The following MRC1 variants were observed in gnomAD, a reference collection of about 807,000 sequenced individuals.
MRC1 encodes mannose receptor C-type 1, also known as macrophage mannose receptor 1.
MRC1 carries 62 observed loss-of-function variants against 102.9 expected under a neutral mutation model. The observed-to-expected ratio is 0.60, with a 90% CI of 0.49 to 0.74. MRC1 has a LOEUF of 0.74. Ranked by LOEUF, MRC1 falls within the 30% of genes least tolerant of loss-of-function variation. The pLI is 0.00. For missense variants in MRC1, 1,237 were observed against 862.8 expected (o/e 1.43, Z -5.43); for synonymous variants, 457 against 298.4 (o/e 1.53, Z -5.48).
At chr10:17,875,939 C>CT (rs1428059064) in intron 17 of MRC1, among the ~76,000 whole-genome samples, 1 of 152,158 alleles carries the variant, frequency 6.6e-6, no homozygotes, top group African/African-American at 2.4e-5. Context: ...TATATTTTGA[C>CT]TTTTTAATTA....
At chr10:17,833,064 T>G (rs1171835190) in intron 3 of MRC1, among the ~76,000 whole-genome samples, 3 of 148,990 alleles carry the variant, frequency 2.0e-5, no homozygotes, top group Admixed American at 2.0e-4. Context: ...TGTCTTTATA[T>G]TTGTCTCACT....
chr10:17,862,449 CT>C (rs1163034440), intron 10 of MRC1, among the ~76,000 whole-genome samples: 1 of 152,130 alleles, frequency 6.6e-6, no homozygotes, highest in African/African-American at 2.4e-5. Flanking sequence ...ATATTCTGGT[CT>C]GCACTATAAT....
intron 22 of MRC1, among the ~76,000 whole-genome samples, chr10:17,893,251 G>C (rs1833706670): frequency 6.6e-6 from 1 of 150,500 alleles, no homozygotes; most frequent in Admixed American, 6.6e-5. Context: ...AACCTCCCAG[G>C]CTCAAGCGAT....
At position 17,872,137 on chromosome 10, in the gene MRC1, C is replaced by A. The variant is rs1833362820; in HGVS notation, c.2344+11C>A. The A allele has an allele frequency of 5.1e-6, 4 of 780,386 alleles. No individual in the cohort carries two copies. The highest frequency in any genetic ancestry group is 5.1e-5 in the Admixed American group (3 of 59,000). 48.3% of individuals were successfully genotyped at this position (780,386 alleles called of 1,614,324 possible). A position where few individuals can be genotyped will look rare whatever the true frequency, so the allele number is the denominator to read the frequency against. On this transcript the variant is annotated intron_variant, in intron 15 of 29. Coordinates refer to ENST00000569591, the MANE Select transcript of MRC1 (RefSeq NM_002438.4). ...GCCAGATACAAAAAGGTATGATCAC[C>A]TCTTCTCTCCTTTATCTCAGCTTGG...
chr10:17,848,358 C>T (rs1838857714), intron 6 of MRC1, among the ~76,000 whole-genome samples: 1 of 152,130 alleles, frequency 6.6e-6, no homozygotes, highest in African/African-American at 2.4e-5. Context: ...TTCTTTTTCT[C>T]TTCCAATACT....
intron 3 of MRC1, among the ~76,000 whole-genome samples, 155 bp from the exon 4 acceptor site, chr10:17,833,520 C>CAA (rs34179956): frequency 0.15 from 16,010 of 106,256 alleles, 1,452 homozygotes; most frequent in East Asian, 0.22. Flanking sequence ...GACTCTGTCT[C>CAA]AAAAAAAAAA....
intron 8 of MRC1, among the ~76,000 whole-genome samples, chr10:17,853,600 GTATATATATATA>G (rs1215208967): frequency 2.3e-5 from 3 of 127,678 alleles, no homozygotes; most frequent in East Asian, 2.0e-4. Context: ...GTGTGTGTGT[GTATATATATATA>G]TATGTAAAAA....
chr10:17,871,373 A>G (rs1833352313), intron 14 of MRC1, among the ~76,000 whole-genome samples: 1 of 152,056 alleles, frequency 6.6e-6, no homozygotes, highest in African/African-American at 2.4e-5. Flanking sequence ...TGGGTTTTAT[A>G]TTTACATCTC....
chr10:17,836,466 T>A (rs1838663913), intron 4 of MRC1, among the ~76,000 whole-genome samples: 2 of 152,130 alleles, frequency 1.3e-5, no homozygotes, highest in Non-Finnish European at 2.9e-5. Flanking sequence ...TTTATGTAGA[T>A]GATTAAGGAA....
At chr10:17,848,411 A>T (rs1838859103) in intron 6 of MRC1, among the ~76,000 whole-genome samples, 1 of 152,214 alleles carries the variant, frequency 6.6e-6, no homozygotes, top group African/African-American at 2.4e-5. Context: ...GGCTCAAGGC[A>T]ATAGGGATGA....
intron 7 of MRC1, among the ~76,000 whole-genome samples, chr10:17,850,429 C>A (rs917451751): frequency 2.4e-4 from 37 of 151,704 alleles, no homozygotes; most frequent in Middle Eastern, 6.8e-3. Flanking sequence ...AGCAAGACCT[C>A]GTCTCTACTA....
intron 11 of MRC1, among the ~76,000 whole-genome samples, chr10:17,865,136 T>C (rs1188766940): frequency 2.0e-5 from 3 of 152,354 alleles, no homozygotes; most frequent in South Asian, 4.1e-4. Flanking sequence ...AAATATTTCA[T>C]TGTGCTTGGG....
Position 17,879,228 on chromosome 10 carries a change from G to A in MRC1, c.2619-493G>A, listed in dbSNP as rs1589189544. On this transcript the variant is annotated intron_variant, in intron 18 of 29. Coordinates refer to ENST00000569591, the MANE Select transcript of MRC1 (RefSeq NM_002438.4). ...AGAAGGTAGCCTGGACATGGCATCA[G>A]GGTTGCTACTGCGGAGCATGATGCA... Among the ~76,000 whole-genome samples the A allele has an allele frequency of 3.3e-5, 5 of 152,270 alleles. 1 individual carries two copies. The highest frequency in any genetic ancestry group is 4.1e-4 in the South Asian group (2 of 4,822).
rs1429704881 is a variant in MRC1 at position 17,823,517 on chromosome 10, C to T, written c.463+42C>T. 6.4e-6 allele frequency: 5 copies of T among 779,962 alleles called. No individual in the cohort carries two copies. The East Asian group carries it at 7.3e-5, about 11-fold the overall frequency. The allele number at this position is 779,962 out of a possible 1,614,324, so 48.3% of individuals were successfully genotyped here. ...TTTCACCTTCGTGTTGAAATTTTCT[C>T]GTCTTCTTAGTTGGAACCTGATTCA... On this transcript the variant is annotated intron_variant, in intron 2 of 29. Transcript: ENST00000569591.
In MRC1 at chr10:17,870,905, A is replaced by G. The variant is rs1464825422; in HGVS notation, c.2169A>G (p.Ser723=). Residue 723 remains serine, a synonymous_variant, in exon 14 of 30, where the codon TCA becomes TCG. Coordinates refer to ENST00000569591, the MANE Select transcript of MRC1 (RefSeq NM_002438.4). ...FWLGLTYGSP[S]EGFTWSDGSP... ...TGGGATTGACATATGGAAGCCCTTC[A>G]GAAGGTTTTACTTGGAGTGATGGTT... 1.5e-5 allele frequency: 13 copies of G among 872,324 alleles called. No homozygotes were observed. The highest frequency in any genetic ancestry group is 2.4e-5 in the Non-Finnish European group (12 of 501,242). 54.0% of individuals were successfully genotyped at this position (872,324 alleles called of 1,614,324 possible).
intron 21 of MRC1, among the ~76,000 whole-genome samples, chr10:17,882,541 T>A (rs1235430333): frequency 6.6e-6 from 1 of 152,192 alleles, no homozygotes; most frequent in Non-Finnish European, 1.5e-5. Context: ...TAGAATCATT[T>A]ATTTCAAAAA....
chr10:17,901,133 G>T (rs1343481674), intron 25 of MRC1, among the ~76,000 whole-genome samples, 180 bp downstream of exon 25: 6 of 152,020 alleles, frequency 3.9e-5, no homozygotes, highest in Non-Finnish European at 8.8e-5. Flanking sequence ...CAAAATAATG[G>T]AGATAAACAT....
At chr10:17,904,832 T>A (rs1833875597) in intron 26 of MRC1, among the ~76,000 whole-genome samples, 1 of 152,226 alleles carries the variant, frequency 6.6e-6, no homozygotes. Flanking sequence ...TCTGTAGCCT[T>A]CTACATTCCC....
rs35118275 is a variant in MRC1 at position 17,903,392 on chromosome 10, C to CTTTT, written c.3799+1288_3799+1291dup. 2.4e-3 allele frequency among the ~76,000 whole-genome samples: 211 copies of CTTTT among 88,848 alleles called. 1 individual carries two copies. Among genetic ancestry groups the CTTTT allele is most frequent in the Non-Finnish European group, 3.5e-3 (156 of 45,214 alleles). 58.3% of individuals were successfully genotyped at this position (88,848 alleles called of 152,430 possible). A position where few individuals can be genotyped will look rare whatever the true frequency, so the allele number is the denominator to read the frequency against. ...TTTTCTTTTTCTTTTCTTTTTTTTT[C>CTTTT]TTTTTTTTTTTTTTTTTTTTTGAGA... On this transcript the variant is annotated intron_variant, in intron 26 of 29. Coordinates refer to ENST00000569591, the MANE Select transcript of MRC1 (RefSeq NM_002438.4).
Sources: allele counts gnomAD v4.1 joint callset (sites outside exome capture counted in the v4.1 genomes callset), GRCh38; gene constraint gnomAD v4.1.1; transcripts MANE v1.5; gene names NCBI Gene and HGNC (gene_info 2026-07-23, HGNC 2026-07-21).